Variants in NRG3 observed in about 807,000 individuals in gnomAD.
NRG3 encodes the protein neuregulin 3, also known as pro-neuregulin-3, membrane-bound isoform.
A neutral mutation model predicts 66.9 loss-of-function variants in NRG3; 31 were observed. The ratio of observed to expected loss-of-function variants is 0.46; its 90% CI spans 0.35 to 0.63. The LOEUF (loss-of-function observed/expected upper bound fraction) is 0.63, where lower values mean the gene tolerates loss of function less well. Among genes scored for constraint, NRG3 ranks in the 20% least tolerant of loss-of-function variants. The probability of loss-of-function intolerance (pLI) is 0.00; values close to 1 mark genes in which losing one functional copy is unlikely to be tolerated. For synonymous variants in NRG3, 393 were observed against 359.4 expected, an observed-to-expected ratio of 1.09 and a Z score of -1.06; for missense variants, 910 against 878.9, an observed-to-expected ratio of 1.04 and a Z score of -0.45.
Position 82,421,514 on chromosome 10 carries a change from C to G in NRG3, c.953+62646C>G, listed in dbSNP as rs139713686. On this transcript the variant is annotated intron_variant, in intron 2 of 8. Transcript: ENST00000372141. ...TGCACTCAGTTACCAAAAAAAAAGT[C>G]TATTATGTAAGAGATCTGGATCACC... Among the ~76,000 whole-genome samples, 9 of 152,106 alleles carry G rather than the reference C, an allele frequency of 5.9e-5. No individual in the cohort carries two copies. In the Middle Eastern group the frequency reaches 0.01, roughly 172 times the overall value.
At chr10:82,373,741 A>G (rs906386357) in intron 2 of NRG3, among the ~76,000 whole-genome samples, 6 of 152,196 alleles carry the variant, frequency 3.9e-5, no homozygotes, top group Non-Finnish European at 8.8e-5. Flanking sequence ...CTCCTGTGCT[A>G]ATTTATAGTC....
chr10:82,487,086 CTA>C (rs991933031), intron 2 of NRG3, among the ~76,000 whole-genome samples: 1 of 147,732 alleles, frequency 6.8e-6, no homozygotes, highest in African/African-American at 2.5e-5. Flanking sequence ...ATATAATACA[CTA>C]TATATATCTA....
At chr10:82,842,365 C>G (rs1170247165) in intron 3 of NRG3, among the ~76,000 whole-genome samples, 1 of 152,218 alleles carries the variant, frequency 6.6e-6, no homozygotes, top group Non-Finnish European at 1.5e-5. Flanking sequence ...CACATTAACT[C>G]TCTTTTTTCC....
At chr10:81,910,714 C>T (rs1385033816) in intron 1 of NRG3, among the ~76,000 whole-genome samples, 3 of 152,154 alleles carry the variant, frequency 2.0e-5, no homozygotes, top group Non-Finnish European at 4.4e-5. Context: ...GTGGCGCGAT[C>T]ATAGCTCACT....
At chr10:82,223,544 A>C (rs1354425666) in intron 1 of NRG3, among the ~76,000 whole-genome samples, 2 of 152,034 alleles carry the variant, frequency 1.3e-5, no homozygotes, top group East Asian at 3.9e-4. Context: ...CATTTTGAAC[A>C]ATGGAAAAAA....
Position 82,985,515 on chromosome 10 carries a change from T to C in NRG3, c.2001T>C (p.Phe667=). 1 of 1,614,004 alleles carries C rather than the reference T, an allele frequency of 6.2e-7. No individual in the cohort carries two copies. The highest frequency in any genetic ancestry group is 8.5e-7 in the Non-Finnish European group (1 of 1,180,002). Residue 667 remains phenylalanine (F), a synonymous_variant, in exon 9 of 9, where the codon TTT becomes TTC. Transcript: ENST00000372141. ...TEDSASENTA[F]LPLSPTAKSE... is the part of the protein sequence containing the mutation. ...ACAGTGCAAGCGAAAACACAGCCTTTCTCCCCCTGAGTCCCACAGCCAAAT... is the reference window on the plus strand; with the variant it reads ...ACAGTGCAAGCGAAAACACAGCCTTCCTCCCCCTGAGTCCCACAGCCAAAT...
chr10:82,564,060 G>A (rs1264648311), intron 2 of NRG3, among the ~76,000 whole-genome samples: 1 of 151,712 alleles, frequency 6.6e-6, no homozygotes, highest in Non-Finnish European at 1.5e-5. Context: ...GTCATTTTTT[G>A]AGAAACAGCT....
intron 1 of NRG3, among the ~76,000 whole-genome samples, chr10:82,203,949 G>C (rs1232294821): frequency 6.6e-6 from 1 of 151,854 alleles, no homozygotes; most frequent in Non-Finnish European, 1.5e-5. Flanking sequence ...CTTTTTTTTG[G>C]TTCTTTATTT....
At chr10:82,455,573 C>T (rs1031069548) in intron 2 of NRG3, among the ~76,000 whole-genome samples, 3 of 150,936 alleles carry the variant, frequency 2.0e-5, no homozygotes, top group Non-Finnish European at 4.4e-5. Flanking sequence ...CTGTACACTA[C>T]TATGGACTTC....
At chr10:82,528,827 C>CTCA (rs1846976223) in intron 2 of NRG3, among the ~76,000 whole-genome samples, 1 of 152,082 alleles carries the variant, frequency 6.6e-6, no homozygotes, top group Non-Finnish European at 1.5e-5. Context: ...AAGACTCTCT[C>CTCA]TCATCATCAT....
chr10:82,341,446 A>G (rs1340190231), intron 1 of NRG3, among the ~76,000 whole-genome samples: 1 of 152,126 alleles, frequency 6.6e-6, no homozygotes, highest in African/African-American at 2.4e-5. Context: ...TCATTTCTGT[A>G]AAATGAAAAT....
At chr10:81,924,912 A>G (rs1846621531) in intron 1 of NRG3, among the ~76,000 whole-genome samples, 2 of 152,004 alleles carry the variant, frequency 1.3e-5, no homozygotes, top group South Asian at 2.1e-4. Context: ...CATATATGAC[A>G]TTTGTATATT....
At chr10:82,245,837 T>G (rs1161200509) in intron 1 of NRG3, among the ~76,000 whole-genome samples, 3 of 152,154 alleles carry the variant, frequency 2.0e-5, no homozygotes, top group Non-Finnish European at 4.4e-5. Flanking sequence ...AAATTCTCCT[T>G]TGATCAAAGA....
intron 1 of NRG3, among the ~76,000 whole-genome samples, chr10:82,321,296 A>G (rs1229803011): frequency 4.5e-5 from 5 of 111,356 alleles, no homozygotes; most frequent in African/African-American, 3.0e-4. Flanking sequence ...ATCCTGTGGC[A>G]GGGGTGGGGG....
intron 2 of NRG3, among the ~76,000 whole-genome samples, chr10:82,589,468 T>C (rs2046860928): frequency 6.6e-6 from 1 of 152,174 alleles, no homozygotes; most frequent in Non-Finnish European, 1.5e-5. Context: ...ATTCTCATAA[T>C]GAGTCTATTG....
intron 2 of NRG3, among the ~76,000 whole-genome samples, chr10:82,483,430 G>T (rs1842443243): frequency 6.6e-6 from 1 of 152,168 alleles, no homozygotes; most frequent in African/African-American, 2.4e-5. Flanking sequence ...TTGTAGAACT[G>T]AGAAAATAAT....
intron 1 of NRG3, among the ~76,000 whole-genome samples, chr10:82,000,341 A>G (rs984968784): frequency 1.3e-5 from 2 of 152,186 alleles, no homozygotes; most frequent in African/African-American, 4.8e-5. Flanking sequence ...GTAATGTATC[A>G]AGGTCATGTA....
intron 4 of NRG3, among the ~76,000 whole-genome samples, chr10:82,939,542 T>A (rs1848399759): frequency 6.6e-6 from 1 of 151,980 alleles, no homozygotes; most frequent in Non-Finnish European, 1.5e-5. Context: ...TGCAATCTGC[T>A]CACTGCAAGC....
intron 3 of NRG3, among the ~76,000 whole-genome samples, chr10:82,819,291 A>G (rs2061847184): frequency 6.6e-6 from 1 of 152,258 alleles, no homozygotes; most frequent in Non-Finnish European, 1.5e-5. Flanking sequence ...CTATGCTGGA[A>G]TAAGACTTTA....
Sources: allele counts gnomAD v4.1 joint callset (sites outside exome capture counted in the v4.1 genomes callset), GRCh38; gene constraint gnomAD v4.1.1; transcripts MANE v1.5; gene names NCBI Gene and HGNC (gene_info 2026-07-23, HGNC 2026-07-21).